The following IL1RAPL2 variants were observed in gnomAD, a reference collection of about 807,000 sequenced individuals.
IL1RAPL2 encodes interleukin 1 receptor accessory protein like 2.
IL1RAPL2 carries 3 observed loss-of-function variants against 44.1 expected under a neutral mutation model. The ratio of observed to expected loss-of-function variants is 0.07; its 90% CI spans 0.03 to 0.18. IL1RAPL2 has a LOEUF of 0.18. IL1RAPL2 is among the 10% of genes least tolerant of loss of function. The pLI is 1.00. For missense variants in IL1RAPL2, 391 were observed against 496.4 expected, an observed-to-expected ratio of 0.79 and a Z score of 2.02; for synonymous variants, 181 against 178.8, an observed-to-expected ratio of 1.01 and a Z score of -0.10.
At position 105,198,583 on chromosome X, in the gene IL1RAPL2, A is replaced by G. The variant is rs1256371284; in HGVS notation, c.356+2835A>G. Among the ~76,000 whole-genome samples, 10 of 112,306 alleles carry G rather than the reference A, an allele frequency of 8.9e-5. No homozygotes were observed. The Admixed American group carries it at 9.4e-4, about 11-fold the overall frequency. ...ATTAATGAACCAATAGTGGTACATTATTATTAGCTAAAGTCCATATATTCT... is the reference window on the plus strand; with the variant it reads ...ATTAATGAACCAATAGTGGTACATTGTTATTAGCTAAAGTCCATATATTCT... On this transcript the variant is annotated intron_variant, in intron 3 of 10. Coordinates refer to ENST00000372582, the MANE Select transcript of IL1RAPL2 (RefSeq NM_017416.2).
At chrX:105,625,565 G>T (rs1005663912) in intron 6 of IL1RAPL2, among the ~76,000 whole-genome samples, 1 of 111,779 alleles carries the variant, frequency 8.9e-6, no homozygotes, top group African/African-American at 3.2e-5. Context: ...TCTAACTGCT[G>T]AACTCATTCT....
At chrX:105,487,319 C>T (rs770732209) in intron 6 of IL1RAPL2, among the ~76,000 whole-genome samples, 1 of 111,227 alleles carries the variant, frequency 9.0e-6, no homozygotes, top group South Asian at 3.8e-4. Context: ...CTGTTCAGGA[C>T]ATCTACAAGA....
At chrX:104,736,490 A>G (rs1316295089) in intron 2 of IL1RAPL2, among the ~76,000 whole-genome samples, 3 of 111,404 alleles carry the variant, frequency 2.7e-5, no homozygotes, top group African/African-American at 9.8e-5. Context: ...TGTGATTTTC[A>G]CTCTTTAGTT....
chrX:105,562,570 G>C lies in IL1RAPL2; in HGVS notation c.772+78183G>C, dbSNP rs141888402. Among the ~76,000 whole-genome samples the C allele has an allele frequency of 9.1e-3, 945 of 104,162 alleles. 12 individuals are homozygous for C. Among genetic ancestry groups the C allele is most frequent in the African/African-American group, 0.031 (887 of 28,591 alleles). The allele number at this position is 104,162 out of a possible 115,157, so 90.5% of individuals were successfully genotyped here. A position where few individuals can be genotyped will look rare whatever the true frequency, so the allele number is the denominator to read the frequency against. On this transcript the variant is annotated intron_variant, in intron 6 of 10. Coordinates refer to ENST00000372582, the MANE Select transcript of IL1RAPL2 (RefSeq NM_017416.2). ...ACACATACACACACCACATAATATG[G>C]AATGTCTTAGGGAACTTAATTACAG...
intron 2 of IL1RAPL2, among the ~76,000 whole-genome samples, chrX:104,666,696 G>A (rs1426917482): frequency 1.8e-5 from 2 of 111,573 alleles, no homozygotes; most frequent in African/African-American, 6.5e-5. Flanking sequence ...CCCAACTCAT[G>A]TAGGCACATC....
chrX:105,656,426 TA>T (rs1451941376), intron 6 of IL1RAPL2, among the ~76,000 whole-genome samples: 1 of 111,604 alleles, frequency 9.0e-6, no homozygotes, highest in East Asian at 2.8e-4. Context: ...CCTGTTTGGT[TA>T]TTTTTTTTTA....
At chrX:105,447,662 T>C (rs2035978468) in intron 5 of IL1RAPL2, among the ~76,000 whole-genome samples, 8 of 79,730 alleles carry the variant, frequency 1.0e-4, no homozygotes, top group Admixed American at 3.7e-4. Context: ...TATAAATAAA[T>C]ATAAATATAT....
At chrX:105,204,525 G>T (rs1306554309) in intron 3 of IL1RAPL2, among the ~76,000 whole-genome samples, 1 of 111,873 alleles carries the variant, frequency 8.9e-6, no homozygotes, top group Non-Finnish European at 1.9e-5. Flanking sequence ...CTAATATTGT[G>T]CCTATCACTA....
intron 2 of IL1RAPL2, among the ~76,000 whole-genome samples, chrX:105,141,644 C>T: frequency 8.9e-6 from 1 of 111,815 alleles, no homozygotes; most frequent in Non-Finnish European, 1.9e-5. Flanking sequence ...AAGTGGTTGG[C>T]TACAAGCGTA....
intron 2 of IL1RAPL2, among the ~76,000 whole-genome samples, chrX:104,999,666 T>C (rs2030816276): frequency 9.0e-6 from 1 of 111,698 alleles, no homozygotes; most frequent in South Asian, 3.7e-4. Flanking sequence ...GCGTGGGTGT[T>C]ACAACAGAAA....
chrX:105,674,705 TG>T (rs1205162748), intron 6 of IL1RAPL2, among the ~76,000 whole-genome samples: 2 of 111,857 alleles, frequency 1.8e-5, no homozygotes, highest in Non-Finnish European at 3.8e-5. Flanking sequence ...AGAATGTCAA[TG>T]GTAGTTTAAT....
rs752614693 is a variant in IL1RAPL2, at chrX:104,991,147, A to G, written c.83-204328A>G. ...TATACCTCCTTACTGTCTCTCCCTA[A>G]GACTTTGAACATTTTTAGTCTTTAG... On this transcript the variant is annotated intron_variant, in intron 2 of 10. Transcript: ENST00000372582. 2.7e-5 allele frequency among the ~76,000 whole-genome samples: 3 copies of G among 111,507 alleles called. No individual in the cohort carries two copies. In the East Asian group the frequency reaches 8.5e-4, roughly 32 times the overall value.
At chrX:105,611,895 T>G (rs1235375836) in intron 6 of IL1RAPL2, among the ~76,000 whole-genome samples, 1 of 111,509 alleles carries the variant, frequency 9.0e-6, no homozygotes, top group Non-Finnish European at 1.9e-5. Flanking sequence ...TAACACAGAT[T>G]TTATCAGTTT....
chrX:105,368,492 A>T (rs1260351749), intron 5 of IL1RAPL2, among the ~76,000 whole-genome samples: 2 of 112,025 alleles, frequency 1.8e-5, no homozygotes, highest in South Asian at 7.5e-4. Flanking sequence ...TTTCAGCTTT[A>T]TGAATATATC....
chrX:104,655,163 A>C (rs60028256), intron 1 of IL1RAPL2, among the ~76,000 whole-genome samples: 55 of 111,155 alleles, frequency 4.9e-4, no homozygotes, highest in African/African-American at 1.7e-3. Context: ...AATACCCTTT[A>C]TTTCTTTCTC....
chrX:105,448,368 CT>C (rs200693912), intron 5 of IL1RAPL2, among the ~76,000 whole-genome samples: 129 of 98,292 alleles, frequency 1.3e-3, no homozygotes, highest in East Asian at 3.7e-3. Context: ...AGGCCAATAA[CT>C]TTTTTTTTTT....
At chrX:105,194,902 T>C (rs1324752914) in intron 2 of IL1RAPL2, among the ~76,000 whole-genome samples, 5 of 111,503 alleles carry the variant, frequency 4.5e-5, no homozygotes, top group Non-Finnish European at 9.4e-5. Context: ...TTATTAGCTG[T>C]GCGACCTTGG....
At chrX:104,777,880 C>A (rs1487455385) in intron 2 of IL1RAPL2, among the ~76,000 whole-genome samples, 1 of 111,009 alleles carries the variant, frequency 9.0e-6, no homozygotes. Context: ...GGAGCTATAC[C>A]AAGAAGTGGA....
chrX:105,362,762 A>T (rs2035257039), intron 5 of IL1RAPL2, among the ~76,000 whole-genome samples: 1 of 111,702 alleles, frequency 9.0e-6, no homozygotes, highest in Admixed American at 9.5e-5. Context: ...ATTTATTTTT[A>T]TTGTATATAT....
Sources: allele counts gnomAD v4.1 joint callset (sites outside exome capture counted in the v4.1 genomes callset), GRCh38; gene constraint gnomAD v4.1.1; transcripts MANE v1.5; gene names NCBI Gene and HGNC (gene_info 2026-07-23, HGNC 2026-07-21).